KIAA1958: variants seen among roughly 807,000 people sequenced by gnomAD.
KIAA1958 encodes uncharacterized protein KIAA1958.
Under a neutral mutation model 47.2 loss-of-function variants are expected in KIAA1958, and 14 were observed. That is an observed-to-expected ratio of 0.30 (90% CI 0.20 to 0.46). The LOEUF is 0.46. Among genes scored for constraint, KIAA1958 ranks in the 20% least tolerant of loss-of-function variants. KIAA1958 has a pLI of 1.00. For missense variants in KIAA1958, 803 were observed against 909.2 expected, an observed-to-expected ratio of 0.88 and a Z score of 1.50; for synonymous variants, 354 against 353.3, an observed-to-expected ratio of 1.00 and a Z score of -0.02.
intron 1 of KIAA1958, among the ~76,000 whole-genome samples, chr9:112,550,957 A>T (rs1384906648): frequency 1.3e-5 from 2 of 151,922 alleles, no homozygotes; most frequent in African/African-American, 2.4e-5. Context: ...GGAGCCTGTC[A>T]TGGGTCAGTC....
intron 2 of KIAA1958, among the ~76,000 whole-genome samples, chr9:112,638,457 C>T (rs1257037738): frequency 6.6e-6 from 1 of 151,882 alleles, no homozygotes; most frequent in Non-Finnish European, 1.5e-5. Flanking sequence ...AGTGATAGCA[C>T]CATTGGTGAC....
intron 3 of KIAA1958, among the ~76,000 whole-genome samples, chr9:112,659,019 CAAAAAAA>C (rs560013892): frequency 2.9e-3 from 165 of 57,760 alleles, no homozygotes; most frequent in Middle Eastern, 0.011. Context: ...GACTCTGACT[CAAAAAAA>C]AAAAAAAAAA....
intron 1 of KIAA1958, among the ~76,000 whole-genome samples, chr9:112,522,968 G>A (rs756066340): frequency 6.6e-6 from 1 of 152,170 alleles, no homozygotes. Flanking sequence ...GATAGTGGGA[G>A]TACTCTCAAG....
At chr9:112,595,052 A>G (rs1302789424) in intron 2 of KIAA1958, among the ~76,000 whole-genome samples, 1 of 152,214 alleles carries the variant, frequency 6.6e-6, no homozygotes, top group African/African-American at 2.4e-5. Context: ...ATATATTTTC[A>G]CTTAAGTTAG....
intron 1 of KIAA1958, among the ~76,000 whole-genome samples, chr9:112,516,083 A>G (rs1393998595): frequency 6.6e-6 from 1 of 152,184 alleles, no homozygotes. Context: ...ATGATTGTCT[A>G]TGTAGCAAAT....
chr9:112,634,521 G>A (rs549244265), intron 2 of KIAA1958, among the ~76,000 whole-genome samples: 2 of 152,196 alleles, frequency 1.3e-5, no homozygotes, highest in African/African-American at 4.8e-5. Flanking sequence ...GTGAGCCACC[G>A]CGACTGGCCG....
At chr9:112,536,924 A>G (rs1157639887) in intron 1 of KIAA1958, among the ~76,000 whole-genome samples, 1 of 151,976 alleles carries the variant, frequency 6.6e-6, no homozygotes, top group African/African-American at 2.4e-5. Context: ...AGCAGGAACA[A>G]ATATCTCAAA....
chr9:112,628,383 A>G (rs1450577778), intron 2 of KIAA1958, among the ~76,000 whole-genome samples: 2 of 152,228 alleles, frequency 1.3e-5, no homozygotes, highest in East Asian at 1.9e-4. Flanking sequence ...CTTAAAGGAA[A>G]ACAAAGGCAG....
At chr9:112,621,258 A>C (rs1165347347) in intron 2 of KIAA1958, among the ~76,000 whole-genome samples, 1 of 152,184 alleles carries the variant, frequency 6.6e-6, no homozygotes, top group Non-Finnish European at 1.5e-5. Context: ...TCTTTCTCCC[A>C]GTTCTCTTTA....
rs1349939489 is a variant in KIAA1958, at chr9:112,489,219, C to T, written c.-25+2101C>T. On this transcript the variant is annotated intron_variant, in intron 1 of 3. Transcript: ENST00000337530. ...CTCAGAATTTCAGCACTTAGATATA[C>T]GTACTCTTCCTTAGCTCTTTAAAAT... 4.6e-5 allele frequency among the ~76,000 whole-genome samples: 7 copies of T among 152,168 alleles called. No individual in the cohort carries two copies. In the South Asian group the frequency reaches 8.3e-4, roughly 18 times the overall value.
At chr9:112,493,370 G>T (rs964402687) in intron 1 of KIAA1958, among the ~76,000 whole-genome samples, 1 of 152,076 alleles carries the variant, frequency 6.6e-6, no homozygotes, top group Non-Finnish European at 1.5e-5. Context: ...CAGACTTATT[G>T]TCCTCTTCAC....
intron 2 of KIAA1958, among the ~76,000 whole-genome samples, chr9:112,637,272 A>G (rs775164427): frequency 2.1e-4 from 32 of 152,256 alleles, no homozygotes; most frequent in Non-Finnish European, 4.0e-4. Flanking sequence ...ACTTGCTGCC[A>G]TCTTTTTTCC....
At chr9:112,521,736 A>G (rs950060936) in intron 1 of KIAA1958, among the ~76,000 whole-genome samples, 1 of 152,104 alleles carries the variant, frequency 6.6e-6, no homozygotes, top group Non-Finnish European at 1.5e-5. Flanking sequence ...GAAAAAATAC[A>G]TATTCAGGTT....
intron 3 of KIAA1958, among the ~76,000 whole-genome samples, chr9:112,647,077 G>T (rs1245798530): frequency 1.3e-5 from 2 of 152,100 alleles, no homozygotes; most frequent in African/African-American, 2.4e-5. Context: ...AATAGGACAG[G>T]AAACCCAGGT....
chr9:112,613,006 A>G (rs1836352533), intron 2 of KIAA1958, among the ~76,000 whole-genome samples: 2 of 152,218 alleles, frequency 1.3e-5, no homozygotes, highest in Non-Finnish European at 2.9e-5. Flanking sequence ...GAAGCAGAGT[A>G]TAGAATAGGA....
intron 1 of KIAA1958, among the ~76,000 whole-genome samples, chr9:112,541,371 A>G (rs1834939162): frequency 6.6e-6 from 1 of 152,194 alleles, no homozygotes. Context: ...AAAAATTAAG[A>G]AAAGCAATCC....
chr9:112,562,398 A>G (rs1276113064), intron 1 of KIAA1958, among the ~76,000 whole-genome samples: 2 of 152,220 alleles, frequency 1.3e-5, no homozygotes, highest in African/African-American at 4.8e-5. Context: ...AACCCAGGCC[A>G]TCTGGCAGTG....
At chr9:112,515,894 T>TAAAAAAAAAAAAAAAAAAA (rs58492221) in intron 1 of KIAA1958, among the ~76,000 whole-genome samples, 1 of 97,124 alleles carries the variant, frequency 1.0e-5, no homozygotes, top group Non-Finnish European at 2.0e-5. Context: ...AAAAATAAAT[T>TAAAAAAAAAAAAAAAAAAA]AAAAAAAAAA....
chr9:112,594,726 A>G (rs78598809), intron 2 of KIAA1958, among the ~76,000 whole-genome samples: 1,945 of 152,288 alleles, frequency 0.013, 67 homozygotes, highest in Admixed American at 0.065. Context: ...AGGTTTTTCA[A>G]TTATCTTGGG....
Sources: allele counts gnomAD v4.1 joint callset (sites outside exome capture counted in the v4.1 genomes callset), GRCh38; gene constraint gnomAD v4.1.1; transcripts MANE v1.5; gene names NCBI Gene and HGNC (gene_info 2026-07-23, HGNC 2026-07-21).